Variants in L3MBTL1 observed in about 807,000 individuals in gnomAD.
The protein encoded by L3MBTL1 is L3MBTL histone methyl-lysine binding protein 1, also known as lethal(3)malignant brain tumor-like protein 1.
In L3MBTL1, 75 loss-of-function variants were observed where a neutral mutation model predicts 105.3. The ratio of observed to expected loss-of-function variants is 0.71; its 90% CI spans 0.59 to 0.86. L3MBTL1 has a LOEUF of 0.86. L3MBTL1 is among the 40% of genes least tolerant of loss of function. The pLI, the probability that L3MBTL1 is intolerant of heterozygous loss-of-function variation, is 0.00. For missense variants in L3MBTL1, 1,069 were observed against 1,126.4 expected (o/e 0.95, Z 0.73); for synonymous variants, 452 against 436.2 (o/e 1.04, Z -0.45).
chr20:43,530,754 C>T (rs749025245), intron 10 of L3MBTL1, 44 bp from the exon 11 acceptor site: 1 of 1,576,240 alleles, frequency 6.3e-7, no homozygotes, highest in Non-Finnish European at 8.7e-7. Flanking sequence ...TGCTGTGGCC[C>T]AGCCTCTGCA....
At chr20:43,532,509 C>T (rs576946338) in intron 11 of L3MBTL1, 15 of 401,870 alleles carry the variant, frequency 3.7e-5, no homozygotes, top group Admixed American at 1.2e-4. Flanking sequence ...TTTGGGCGAA[C>T]GCATAGCCTC....
chr20:43,530,220 T>G (rs2019256228), intron 9 of L3MBTL1, 64 bp from the exon 10 acceptor site: 1 of 1,603,916 alleles, frequency 6.2e-7, no homozygotes, highest in East Asian at 2.2e-5. Flanking sequence ...CCAGGAGAGG[T>G]GAGGCAGATG....
At position 43,515,125 on chromosome 20, in the gene L3MBTL1, TCTAATGATGGCTG is replaced by T. The variant is rs1451606442; in HGVS notation, c.621_633del (p.Asn208LeufsTer10). ...AGCCGCGGGTCCAGATCTTGGTTCC[TCTAATGATGGCTG>T]CCCTCAGCTGTTCCAGGAGCGGTAA... On this transcript the variant is annotated frameshift_variant, in exon 5 of 22. Transcript: ENST00000418998. LOFTEE classifies it high-confidence loss of function. 6.2e-7 allele frequency: 1 copy of T among 1,614,160 alleles called. No homozygotes were observed. The highest frequency in any genetic ancestry group is 2.2e-5 in the East Asian group (1 of 44,880).
At chr20:43,516,521 A>C (rs1407419063) in intron 7 of L3MBTL1, among the ~76,000 whole-genome samples, 2 of 152,162 alleles carry the variant, frequency 1.3e-5, no homozygotes, top group East Asian at 1.9e-4. Context: ...GCAAGCCTGC[A>C]CTGGTCATTG....
Position 43,515,378 on chromosome 20 carries a change from A to G in L3MBTL1, c.740A>G (p.Gln247Arg), listed in dbSNP as rs1314054724. ...AAGAAGAGGAAGCGCAGGGAATACC[A>G]GAGCCCATCAGAGGAGGAGTCGGAG... Reference protein sequence around the residue: ...PMKKRKRREYQSPSEEESEPE... With the variant: ...PMKKRKRREYRSPSEEESEPE... Residue 247 changes from glutamine to arginine, a missense_variant, in exon 6 of 22, where the codon CAG (glutamine) becomes CGG (arginine). Gln to Arg is a conservative substitution (Grantham distance 43). Transcript: ENST00000418998. The G allele has an allele frequency of 1.9e-6, 3 of 1,559,620 alleles. No individual in the cohort carries two copies. Among genetic ancestry groups the G allele is most frequent in the South Asian group, 2.4e-5 (2 of 84,818 alleles).
At chr20:43,540,369 C>G in intron 20 of L3MBTL1, 61 bp downstream of exon 20, 1 of 1,579,390 alleles carries the variant, frequency 6.3e-7, no homozygotes, top group Non-Finnish European at 8.6e-7. Context: ...TCACCATACC[C>G]TGGTGGAAAG....
chr20:43,510,799 C>A (rs1568916095), intron 1 of L3MBTL1, among the ~76,000 whole-genome samples: 1 of 151,900 alleles, frequency 6.6e-6, no homozygotes, highest in South Asian at 2.1e-4. Flanking sequence ...CTCACTGCAG[C>A]CTTGACCTCC....
intron 6 of L3MBTL1, 26 bp downstream of exon 6, chr20:43,515,441 A>C: frequency 6.5e-7 from 1 of 1,548,328 alleles, no homozygotes; most frequent in East Asian, 2.4e-5. Context: ...TGGGGAAGGG[A>C]GGGGGAAGCT....
Position 43,536,231 on chromosome 20 carries a change from C to T in L3MBTL1, c.2060C>T (p.Ala687Val). ...AAAGCGGAGCTGTCTGACTCGGAGG[C>T]CTCAGCCCGCAAGAAGAACCTCTCA... ...RLKAELSDSE[A>V]SARKKNLSGF... Residue 687 changes from alanine (A) to valine (V), a missense_variant, in exon 18 of 22, where the codon GCC becomes GTC. Transcript: ENST00000418998. 8 of 1,612,582 alleles carry T rather than the reference C, an allele frequency of 5.0e-6. No individual in the cohort carries two copies. The highest frequency in any genetic ancestry group is 6.8e-6 in the Non-Finnish European group (8 of 1,179,636).
Position 43,514,047 on chromosome 20 carries a change from G to A in L3MBTL1, c.346G>A (p.Gly116Arg). ...GACAGAGGCCGCGGCCCCGCCCCCA[G>A]GGGGCGGCCTGCGGGTCAGTGTCTG... ...EWTEAAAPPPGGGLRFRISEY... is the reference protein window; with the variant it reads ...EWTEAAAPPPRGGLRFRISEY... Residue 116 changes from glycine (G) to arginine (R), a missense_variant, in exon 3 of 22, where the codon GGG becomes AGG. Transcript: ENST00000418998. 6.5e-6 allele frequency: 10 copies of A among 1,534,392 alleles called. No individual in the cohort carries two copies. The highest frequency in any genetic ancestry group is 8.7e-6 in the Non-Finnish European group (10 of 1,146,260).
At chr20:43,518,946 A>C (rs2018557954) in intron 7 of L3MBTL1, among the ~76,000 whole-genome samples, 1 of 150,046 alleles carries the variant, frequency 6.7e-6, no homozygotes, top group African/African-American at 2.5e-5. Flanking sequence ...GGATAGCTTG[A>C]ACCTGGGAGG....
intron 7 of L3MBTL1, among the ~76,000 whole-genome samples, chr20:43,519,644 A>G (rs2018602378): frequency 6.6e-6 from 1 of 152,178 alleles, no homozygotes; most frequent in Non-Finnish European, 1.5e-5. Flanking sequence ...CTCAAAAAAG[A>G]AAAAGAGATG....
chr20:43,508,349 C>G (rs2018041276), intron 1 of L3MBTL1, among the ~76,000 whole-genome samples: 1 of 152,162 alleles, frequency 6.6e-6, no homozygotes, highest in Non-Finnish European at 1.5e-5. Context: ...GGTCCCGATC[C>G]TGGAACCCTG....
chr20:43,546,462 C>T (rs1276204526), downstream of L3MBTL1, among the ~76,000 whole-genome samples: 1 of 152,204 alleles, frequency 6.6e-6, no homozygotes, highest in Non-Finnish European at 1.5e-5. Context: ...CGAGATAATG[C>T]TGGTATTGCT....
chr20:43,537,374 C>G (rs1032210110), intron 19 of L3MBTL1, among the ~76,000 whole-genome samples: 2 of 152,230 alleles, frequency 1.3e-5, no homozygotes, highest in African/African-American at 2.4e-5. Context: ...TTGCTGTGTT[C>G]TCACATGGTC....
chr20:43,535,965 T>C (rs376462102), intron 17 of L3MBTL1, 29 bp downstream of exon 17: 315 of 1,599,940 alleles, frequency 2.0e-4, no homozygotes, highest in Non-Finnish European at 2.4e-4. Flanking sequence ...TGAGAGACCC[T>C]CAGCGTTGTT....
At chr20:43,516,651 G>A (rs1449857176) in intron 7 of L3MBTL1, among the ~76,000 whole-genome samples, 1 of 152,130 alleles carries the variant, frequency 6.6e-6, no homozygotes, top group East Asian at 1.9e-4. Flanking sequence ...ATTCCCACAT[G>A]ACAACTGTCA....
chr20:43,523,268 A>G lies in L3MBTL1; in HGVS notation c.863-5389A>G, dbSNP rs1002926137. ...GCTACTGATGGGGTTTGTTCAACGTACTGATTCCAAGCTTGGCGACCATCA... is the reference window on the plus strand; with the variant it reads ...GCTACTGATGGGGTTTGTTCAACGTGCTGATTCCAAGCTTGGCGACCATCA... On this transcript the variant is annotated intron_variant, in intron 7 of 21. Coordinates refer to ENST00000418998, the MANE Select transcript of L3MBTL1 (RefSeq NM_001377303.1). 1.7e-5 allele frequency: 3 copies of G among 181,780 alleles called. No individual in the cohort carries two copies. The South Asian group carries it at 3.3e-4, about 20-fold the overall frequency. The allele number at this position is 181,780 out of a possible 1,614,324, so 11.3% of individuals were successfully genotyped here.
intron 19 of L3MBTL1, 54 bp from the exon 20 acceptor site, chr20:43,540,097 G>C (rs759019337): frequency 1.2e-6 from 2 of 1,601,070 alleles, no homozygotes; most frequent in South Asian, 2.2e-5. Context: ...CATGGGCTTC[G>C]GGAACAGTTT....
Sources: gnomAD v4.1 joint callset for allele counts (sites outside exome capture counted in the v4.1 genomes callset) on GRCh38, gnomAD v4.1.1 for gene constraint, MANE v1.5 for transcripts, NCBI Gene and HGNC (gene_info 2026-07-23, HGNC 2026-07-21) for gene names.